Variants in PIP5K1B observed in about 807,000 individuals in gnomAD.
PIP5K1B encodes phosphatidylinositol-4-phosphate 5-kinase type 1 beta, also known as phosphatidylinositol 4-phosphate 5-kinase type-1 beta.
A neutral mutation model predicts 67.0 loss-of-function variants in PIP5K1B; 42 were observed. The ratio of observed to expected loss-of-function variants is 0.63; its 90% confidence interval spans 0.49 to 0.81. The LOEUF (loss-of-function observed/expected upper bound fraction) is 0.81. PIP5K1B is among the 30% of genes least tolerant of loss of function. PIP5K1B has a pLI of 0.00. For missense variants in PIP5K1B, 459 were observed against 646.3 expected, an observed-to-expected ratio of 0.71 and a Z score of 3.14; for synonymous variants, 214 against 231.4, an observed-to-expected ratio of 0.92 and a Z score of 0.68.
chr9:68,837,073 G>A (rs1006806654), intron 4 of PIP5K1B, among the ~76,000 whole-genome samples: 1 of 152,234 alleles, frequency 6.6e-6, no homozygotes, highest in African/African-American at 2.4e-5. Flanking sequence ...GCCGGAAAGC[G>A]TTCAGCACCC....
chr9:68,981,842 G>T (rs1429681828), intron 14 of PIP5K1B, among the ~76,000 whole-genome samples: 2 of 151,916 alleles, frequency 1.3e-5, no homozygotes, highest in East Asian at 3.9e-4. Context: ...GTGGCATCAG[G>T]GTGCCATTAA....
intron 6 of PIP5K1B, among the ~76,000 whole-genome samples, chr9:68,881,374 GA>G (rs1160085027): frequency 6.6e-6 from 1 of 152,182 alleles, no homozygotes; most frequent in Non-Finnish European, 1.5e-5. Flanking sequence ...GACATTGCTT[GA>G]AAAACCCTGT....
chr9:68,715,678 G>GAATT (rs1192641046), intron 1 of PIP5K1B, among the ~76,000 whole-genome samples: 2 of 152,118 alleles, frequency 1.3e-5, no homozygotes, highest in African/African-American at 4.8e-5. Context: ...GGCACATGTA[G>GAATT]AATTGTCTTG....
intron 2 of PIP5K1B, among the ~76,000 whole-genome samples, chr9:68,790,656 G>A (rs891476359): frequency 3.3e-5 from 5 of 152,134 alleles, no homozygotes; most frequent in South Asian, 2.1e-4. Flanking sequence ...CTTTTTCTGC[G>A]TTCCTGGAGC....
intron 3 of PIP5K1B, 115 bp from the exon 4 acceptor site, chr9:68,822,500 A>G (rs1407837738): frequency 4.3e-6 from 3 of 697,572 alleles, no homozygotes; most frequent in South Asian, 4.1e-5. Context: ...AACAACAGCA[A>G]TAGCAATAAC....
intron 4 of PIP5K1B, among the ~76,000 whole-genome samples, chr9:68,863,441 G>T (rs764963406): frequency 6.6e-6 from 1 of 151,894 alleles, no homozygotes; most frequent in Non-Finnish European, 1.5e-5. Flanking sequence ...ACACACACAC[G>T]TATACAGTAG....
intron 1 of PIP5K1B, among the ~76,000 whole-genome samples, chr9:68,708,546 C>CCCG (rs1554702641): frequency 1.4e-5 from 2 of 147,692 alleles, no homozygotes; most frequent in Admixed American, 7.0e-5. Context: ...TTGCCGCCCC[C>CCCG]CCGCCCCTTT....
intron 2 of PIP5K1B, among the ~76,000 whole-genome samples, chr9:68,765,294 A>T (rs1830375855): frequency 6.6e-6 from 1 of 152,128 alleles, no homozygotes; most frequent in African/African-American, 2.4e-5. Flanking sequence ...GGTCTTTTCC[A>T]TGGAGCAGTT....
chr9:68,938,293 G>A (rs921037503), intron 13 of PIP5K1B, among the ~76,000 whole-genome samples: 2 of 152,180 alleles, frequency 1.3e-5, no homozygotes, highest in African/African-American at 4.8e-5. Context: ...TGTATTGGGT[G>A]CATGTATATT....
chr9:68,838,392 T>C (rs1036171574), intron 4 of PIP5K1B, among the ~76,000 whole-genome samples: 8 of 152,354 alleles, frequency 5.3e-5, no homozygotes, highest in African/African-American at 1.9e-4. Flanking sequence ...ATGCCTCTTG[T>C]ACTGTTTCCA....
At position 68,745,005 on chromosome 9, in the gene PIP5K1B, T is replaced by C. The variant is rs1829217253; in HGVS notation, c.-86+2348T>C. ...GTCCATGGGAAACACTCACACTTCC[T>C]TTGTTCCCACCAACTGGGAGAGGGC... On this transcript the variant is annotated intron_variant, in intron 2 of 15. Coordinates refer to ENST00000265382, the MANE Select transcript of PIP5K1B (RefSeq NM_003558.4). Among the ~76,000 whole-genome samples the C allele has an allele frequency of 2.0e-5, 3 of 152,208 alleles. No homozygotes were observed. In the South Asian group the frequency reaches 6.2e-4, roughly 31 times the overall value.
chr9:68,708,404 C>T lies in PIP5K1B; in HGVS notation c.-243+2642C>T, dbSNP rs965976166. 5.3e-5 allele frequency among the ~76,000 whole-genome samples: 8 copies of T among 152,322 alleles called. No homozygotes were observed. In the East Asian group the frequency reaches 1.5e-3, roughly 29 times the overall value. ...CCCAACACATAAGATAATTTGCCTA[C>T]AGGCATGTGCCTCCTGAAGCTGGCG... On this transcript the variant is annotated intron_variant, in intron 1 of 15. Coordinates refer to ENST00000265382, the MANE Select transcript of PIP5K1B (RefSeq NM_003558.4).
chr9:68,780,083 G>A, intron 2 of PIP5K1B: 4 of 1,424,072 alleles, frequency 2.8e-6, no homozygotes, highest in Admixed American at 5.9e-5. Flanking sequence ...GGTGGCGGCG[G>A]CAGCGGCGGC....
chr9:68,823,265 A>G (rs1420197719), intron 4 of PIP5K1B, among the ~76,000 whole-genome samples: 2 of 152,292 alleles, frequency 1.3e-5, no homozygotes, highest in South Asian at 2.1e-4. Flanking sequence ...GAGCATGGGA[A>G]TCTTTGGGGG....
chr9:68,800,383 G>A (rs1043129516), intron 2 of PIP5K1B, among the ~76,000 whole-genome samples: 14 of 152,202 alleles, frequency 9.2e-5, no homozygotes, highest in Non-Finnish European at 1.8e-4. Flanking sequence ...ACATGCACAG[G>A]TGTTTGTTAA....
At chr9:68,788,992 T>C in intron 2 of PIP5K1B, 1 of 344,226 alleles carries the variant, frequency 2.9e-6, no homozygotes, top group Non-Finnish European at 5.6e-6. Flanking sequence ...CCACCTGGGG[T>C]TCATGAAGGG....
chr9:68,847,474 T>G (rs912702821), intron 4 of PIP5K1B, among the ~76,000 whole-genome samples: 1 of 132,262 alleles, frequency 7.6e-6, no homozygotes, highest in Non-Finnish European at 1.6e-5. Flanking sequence ...TAGGTGGGGA[T>G]AACATTAGGC....
At chr9:68,984,950 T>C (rs2132913954) in intron 14 of PIP5K1B, among the ~76,000 whole-genome samples, 1 of 152,230 alleles carries the variant, frequency 6.6e-6, no homozygotes, top group East Asian at 1.9e-4. Context: ...TTAGGGACCA[T>C]GTAACCCAGG....
intron 2 of PIP5K1B, among the ~76,000 whole-genome samples, chr9:68,753,526 T>C (rs1829751385): frequency 8.9e-6 from 1 of 112,098 alleles, no homozygotes; most frequent in Non-Finnish European, 1.9e-5. Context: ...TTTTTTTTTT[T>C]TTTTTTTTTT....
Sources: allele counts gnomAD v4.1 joint callset (sites outside exome capture counted in the v4.1 genomes callset), GRCh38; gene constraint gnomAD v4.1.1; transcripts MANE v1.5; gene names NCBI Gene and HGNC (gene_info 2026-07-23, HGNC 2026-07-21).